Variants in DIP2B observed in about 807,000 individuals in gnomAD.
DIP2B encodes the protein DIP2 acetate--CoA ligase B (putative), also known as disco-interacting protein 2 homolog B.
Under a neutral mutation model 198.0 loss-of-function variants are expected in DIP2B, and 76 were observed. The ratio of observed to expected loss-of-function variants is 0.38; its 90% CI spans 0.32 to 0.46. The LOEUF (loss-of-function observed/expected upper bound fraction) is 0.46, where lower values mean the gene tolerates loss of function less well. Among genes scored for constraint, DIP2B ranks in the 20% least tolerant of loss-of-function variants. The pLI, the probability that DIP2B is intolerant of heterozygous loss-of-function variation, is 0.99. For missense variants in DIP2B, 1,559 were observed against 1,978.4 expected (o/e 0.79, Z 4.02); for synonymous variants, 701 against 739.1 (o/e 0.95, Z 0.84).
intron 1 of DIP2B, among the ~76,000 whole-genome samples, chr12:50,576,431 C>T (rs1958661640): frequency 6.6e-6 from 1 of 151,352 alleles, no homozygotes; most frequent in Non-Finnish European, 1.5e-5. Context: ...AAAGAGACCA[C>T]ATGTGGTCTG....
intron 18 of DIP2B, 42 bp downstream of exon 18, chr12:50,698,509 G>A: frequency 6.3e-7 from 1 of 1,593,970 alleles, no homozygotes; most frequent in Non-Finnish European, 8.6e-7. Flanking sequence ...ATAAAGATTT[G>A]TCATCAGAGA....
intron 3 of DIP2B, among the ~76,000 whole-genome samples, 154 bp from the exon 4 acceptor site, chr12:50,660,040 A>G (rs1237728440): frequency 6.7e-6 from 1 of 150,318 alleles, no homozygotes; most frequent in Non-Finnish European, 1.5e-5. Context: ...TTTATTTCTA[A>G]TTGGTCTTAA....
chr12:50,562,882 A>T (rs1390166786), intron 1 of DIP2B, among the ~76,000 whole-genome samples: 2 of 152,194 alleles, frequency 1.3e-5, no homozygotes, highest in Non-Finnish European at 2.9e-5. Context: ...TAAGGCAAAT[A>T]ATTTAGCTGT....
chr12:50,561,656 G>T (rs1039476899), intron 1 of DIP2B, among the ~76,000 whole-genome samples: 6 of 152,002 alleles, frequency 3.9e-5, no homozygotes, highest in African/African-American at 4.8e-5. Flanking sequence ...TGCCTAGGCT[G>T]GAATGCAGTG....
Position 50,526,626 on chromosome 12 carries a change from C to CTTTTTTTTTTTTTT in DIP2B, c.100+21400_100+21413dup, listed in dbSNP as rs11423846. ...TGCATTGATTCTCTTTTTCCTCTGC[C>CTTTTTTTTTTTTTT]TTTTTTTTTTTTTTTTTTTTTTTTT... On this transcript the variant is annotated intron_variant, in intron 1 of 37. Coordinates refer to ENST00000301180, the MANE Select transcript of DIP2B (RefSeq NM_173602.3). Among the ~76,000 whole-genome samples, 3 of 64,182 alleles carry CTTTTTTTTTTTTTT rather than the reference C, an allele frequency of 4.7e-5. 1 individual carries two copies. The highest frequency in any genetic ancestry group is 2.1e-4 in the African/African-American group (3 of 14,194). 42.1% of individuals were successfully genotyped at this position (64,182 alleles called of 152,430 possible).
chr12:50,506,190 C>T (rs1179985623), intron 1 of DIP2B, among the ~76,000 whole-genome samples: 8 of 152,022 alleles, frequency 5.3e-5, no homozygotes, highest in Non-Finnish European at 1.2e-4. Context: ...CACTGGCTGC[C>T]CCTGAGACAA....
chr12:50,505,145 C>T lies in DIP2B; in HGVS notation c.5C>T (p.Ala2Val). Residue 2 changes from alanine (A) to valine (V), a missense_variant, in exon 1 of 38, where the codon GCG becomes GTG. Transcript: ENST00000301180. ...AGTGTGGCTGGCGGAGCTGGGATGG[C>T]GGAACGAGGCCTGGAGCCGTCGCCG... is the stretch of plus-strand genomic sequence containing the variant. M[A>V]ERGLEPSPAA... 6.5e-7 allele frequency: 1 copy of T among 1,529,408 alleles called. No homozygotes were observed. Among genetic ancestry groups the T allele is most frequent in the Non-Finnish European group, 8.7e-7 (1 of 1,143,354 alleles). 94.7% of individuals were successfully genotyped at this position (1,529,408 alleles called of 1,614,324 possible).
intron 35 of DIP2B, 117 bp from the exon 36 acceptor site, chr12:50,739,292 C>G (rs986722312): frequency 2.0e-5 from 23 of 1,126,928 alleles, no homozygotes; most frequent in Non-Finnish European, 2.6e-5. Flanking sequence ...TTTATTGATG[C>G]AGTTGTGTTG....
At chr12:50,697,232 C>A in intron 17 of DIP2B, 57 bp downstream of exon 17, 1 of 1,475,530 alleles carries the variant, frequency 6.8e-7, no homozygotes, top group South Asian at 1.2e-5. Context: ...ATGAAATGTG[C>A]AGTATTTACC....
At chr12:50,730,084 C>T (rs1403593550) in intron 30 of DIP2B, among the ~76,000 whole-genome samples, 1 of 152,182 alleles carries the variant, frequency 6.6e-6, no homozygotes, top group Non-Finnish European at 1.5e-5. Flanking sequence ...CACCTCTCAC[C>T]TGAACTATTG....
chr12:50,536,643 C>T (rs937240360), intron 1 of DIP2B, among the ~76,000 whole-genome samples: 12 of 151,614 alleles, frequency 7.9e-5, no homozygotes, highest in Non-Finnish European at 1.6e-4. Flanking sequence ...TCTTGGCTCA[C>T]TGCAACCTCC....
At chr12:50,685,460 G>A (rs1311354659) in intron 10 of DIP2B, among the ~76,000 whole-genome samples, 1 of 152,166 alleles carries the variant, frequency 6.6e-6, no homozygotes, top group East Asian at 1.9e-4. Flanking sequence ...GTTCATACCT[G>A]ACTTGCTTTT....
chr12:50,613,940 C>T (rs1005410269), intron 1 of DIP2B, among the ~76,000 whole-genome samples: 4 of 152,134 alleles, frequency 2.6e-5, no homozygotes, highest in Admixed American at 6.5e-5. Flanking sequence ...TTGGTAGAAT[C>T]GGTATCTTTC....
intron 13 of DIP2B, 90 bp from the exon 14 acceptor site, chr12:50,692,859 C>CA: frequency 8.9e-7 from 1 of 1,122,212 alleles, no homozygotes; most frequent in Non-Finnish European, 1.3e-6. Context: ...AAACAAACAT[C>CA]AAATCAGTTG....
intron 3 of DIP2B, among the ~76,000 whole-genome samples, chr12:50,651,740 T>C (rs1222331479): frequency 6.6e-6 from 1 of 152,080 alleles, no homozygotes; most frequent in Non-Finnish European, 1.5e-5. Flanking sequence ...TTGTAATCAT[T>C]TTTTTTAAAA....
At chr12:50,615,817 A>G (rs1006117127) in intron 1 of DIP2B, among the ~76,000 whole-genome samples, 4 of 152,240 alleles carry the variant, frequency 2.6e-5, no homozygotes, top group Non-Finnish European at 4.4e-5. Context: ...AGAAGCAAGT[A>G]AAACAGCAAA....
At chr12:50,586,129 G>A (rs1958768352) in intron 1 of DIP2B, among the ~76,000 whole-genome samples, 1 of 152,200 alleles carries the variant, frequency 6.6e-6, no homozygotes, top group African/African-American at 2.4e-5. Flanking sequence ...ATCAGACCTA[G>A]GAGGTGGTCT....
intron 27 of DIP2B, among the ~76,000 whole-genome samples, chr12:50,724,470 G>T (rs1159541716): frequency 6.6e-6 from 1 of 152,124 alleles, no homozygotes; most frequent in Non-Finnish European, 1.5e-5. Flanking sequence ...TTTAATTGTG[G>T]TCTTCATGAA....
chr12:50,559,399 A>G (rs1300779955), intron 1 of DIP2B, among the ~76,000 whole-genome samples: 1 of 147,638 alleles, frequency 6.8e-6, no homozygotes, highest in East Asian at 2.0e-4. Flanking sequence ...TTGGTATTAT[A>G]CCAATTTTAT....
Sources: gnomAD v4.1 joint callset for allele counts (sites outside exome capture counted in the v4.1 genomes callset) on GRCh38, gnomAD v4.1.1 for gene constraint, MANE v1.5 for transcripts, NCBI Gene and HGNC (gene_info 2026-07-23, HGNC 2026-07-21) for gene names.